ITPR1: variants seen among roughly 807,000 people sequenced by gnomAD.
The protein encoded by ITPR1 is inositol 1,4,5-trisphosphate receptor type 1, also known as inositol 1,4,5-trisphosphate-gated calcium channel ITPR1.
ITPR1 carries 96 observed loss-of-function variants against 318.4 expected under a neutral mutation model. That is an observed-to-expected ratio of 0.30 (90% CI 0.26 to 0.36). The LOEUF is 0.36. Ranked by LOEUF, ITPR1 falls within the 10% of genes least tolerant of loss-of-function variation. The pLI is 1.00. For synonymous variants in ITPR1, 1,312 were observed against 1,289.9 expected, an observed-to-expected ratio of 1.02 and a Z score of -0.37; for missense variants, 2,440 against 3,460.2, an observed-to-expected ratio of 0.71 and a Z score of 7.40.
At chr3:4,772,850 G>A (rs3792505) in intron 46 of ITPR1, among the ~76,000 whole-genome samples, 1 of 152,228 alleles carries the variant, frequency 6.6e-6, no homozygotes, top group African/African-American at 2.4e-5. Context: ...ATTCTGTCCA[G>A]ACACTCTGAA....
Position 4,675,121 on chromosome 3 carries a change from C to G in ITPR1, c.2652C>G (p.Asp884Glu). ...LIYFGFYNFS[D>E]LLRLTKILLA... Reference sequence around the variant, plus strand: ...ACTTTGGTTTCTACAACTTCTCTGACCTTCTACGATTAACTAAGATCCTTC... The same window carrying G: ...ACTTTGGTTTCTACAACTTCTCTGAGCTTCTACGATTAACTAAGATCCTTC... The change falls in exon 23 of 62, where the codon GAC becomes GAG. Residue 884 changes from aspartate (D) to glutamate (E), a missense_variant. Transcript: ENST00000649015. 6.2e-7 allele frequency: 1 copy of G among 1,606,392 alleles called. No individual in the cohort carries two copies. The highest frequency in any genetic ancestry group is 1.7e-5 in the Admixed American group (1 of 59,926).
intron 47 of ITPR1, 113 bp from the exon 48 acceptor site, chr3:4,777,151 G>A: frequency 1.6e-6 from 1 of 627,048 alleles, no homozygotes; most frequent in Non-Finnish European, 2.8e-6. Context: ...CTCCCCTAGA[G>A]ACATTACTGG....
chr3:4,588,508 C>G (rs2090113193), intron 4 of ITPR1, among the ~76,000 whole-genome samples: 1 of 152,002 alleles, frequency 6.6e-6, no homozygotes, highest in Non-Finnish European at 1.5e-5. Flanking sequence ...ATCTCCCTGA[C>G]TCTCTCTTCC....
intron 5 of ITPR1, among the ~76,000 whole-genome samples, chr3:4,635,589 C>T (rs1255854013): frequency 6.6e-6 from 1 of 152,152 alleles, no homozygotes; most frequent in African/African-American, 2.4e-5. Flanking sequence ...TTGTGATCTG[C>T]CCGCCTCGGC....
intron 4 of ITPR1, among the ~76,000 whole-genome samples, chr3:4,577,333 A>G (rs1035261166): frequency 1.3e-5 from 2 of 152,162 alleles, no homozygotes; most frequent in African/African-American, 4.8e-5. Context: ...TTAAACTTTA[A>G]TTTGCAAGGC....
intron 4 of ITPR1, among the ~76,000 whole-genome samples, chr3:4,542,924 T>G (rs2084605185): frequency 6.6e-6 from 1 of 152,194 alleles, no homozygotes; most frequent in South Asian, 2.1e-4. Context: ...TTCAAAATGT[T>G]TTCTAATATT....
intron 55 of ITPR1, among the ~76,000 whole-genome samples, chr3:4,810,139 C>T (rs1250433021): frequency 6.6e-6 from 1 of 152,150 alleles, no homozygotes; most frequent in African/African-American, 2.4e-5. Context: ...ATGGCTTGGC[C>T]GACATCTTGC....
chr3:4,725,661 T>C (rs1052138423), intron 41 of ITPR1, 80 bp downstream of exon 41: 3 of 1,282,620 alleles, frequency 2.3e-6, no homozygotes, highest in Non-Finnish European at 3.4e-6. Flanking sequence ...GGTGTCTGAA[T>C]TGTTGTAACA....
rs1458898742 is a variant in ITPR1 at position 4,779,618 on chromosome 3, A to G, written c.6360A>G (p.Ile2120Met). 6.2e-7 allele frequency: 1 copy of G among 1,611,892 alleles called. No individual in the cohort carries two copies. The highest frequency in any genetic ancestry group is 8.5e-7 in the Non-Finnish European group (1 of 1,178,468). The part of the protein sequence containing the change: ...SRHDSENAER[I>M]LYNMRPKELV... ...ACGACAGTGAAAACGCAGAGAGGATACTTTATAACATGAGGCCCAAGGAAC... is the reference window on the plus strand; with the variant it reads ...ACGACAGTGAAAACGCAGAGAGGATGCTTTATAACATGAGGCCCAAGGAAC... Residue 2120 changes from isoleucine (I) to methionine (M), a missense_variant, in exon 49 of 62, where the codon ATA becomes ATG. Ile to Met is a conservative substitution (Grantham distance 10, BLOSUM62 1). This residue lies in a region of ITPR1 where 49 missense variants were observed against 47.2 expected (regional missense o/e 1.04). Coordinates refer to ENST00000649015, the MANE Select transcript of ITPR1 (RefSeq NM_001378452.1). The surrounding 1 kb of genome is among the most constrained non-coding windows in gnomAD (Gnocchi z 4.0).
At chr3:4,804,863 G>A (rs1211523712) in intron 54 of ITPR1, among the ~76,000 whole-genome samples, 6 of 152,120 alleles carry the variant, frequency 3.9e-5, no homozygotes, top group South Asian at 2.1e-4. Flanking sequence ...CACTTACACC[G>A]ACCTACCAGA....
intron 4 of ITPR1, among the ~76,000 whole-genome samples, chr3:4,533,181 T>A (rs1266841846): frequency 6.6e-6 from 1 of 152,144 alleles, no homozygotes; most frequent in Non-Finnish European, 1.5e-5. Flanking sequence ...AAGAGAACAT[T>A]AGTGGAAAGA....
rs115092972 is a variant in ITPR1 at position 4,663,594 on chromosome 3, C to T, written c.1554+388C>T. Reference sequence around the variant, plus strand: ...CTCACACACTTGGCCTCCCCCACTACCGACATCCTACATCACAGTGAGACA... The same window carrying T: ...CTCACACACTTGGCCTCCCCCACTATCGACATCCTACATCACAGTGAGACA... On this transcript the variant is annotated intron_variant, in intron 16 of 61. Coordinates refer to ENST00000649015, the MANE Select transcript of ITPR1 (RefSeq NM_001378452.1). Among the ~76,000 whole-genome samples the T allele has an allele frequency of 9.6e-3, 1,462 of 152,290 alleles. 21 individuals are homozygous for T. Among genetic ancestry groups the T allele is most frequent in the African/African-American group, 0.033 (1,373 of 41,546 alleles).
chr3:4,697,238 A>C lies in ITPR1; in HGVS notation c.4373A>C (p.Lys1458Thr). Residue 1458 changes from lysine to threonine, a missense_variant, in exon 34 of 62, where the codon AAA (lysine) becomes ACA (threonine). By Grantham distance (78) the Lys-to-Thr change is moderately conservative. Around this residue, in one of 23 missense-constraint regions of ITPR1, gnomAD observed 73 missense variants for 59.5 expected, o/e 1.23. Coordinates refer to ENST00000649015, the MANE Select transcript of ITPR1 (RefSeq NM_001378452.1). ...ATTTATACCAGCAATCACATGTGGA[A>C]ATTGTTTGAGAATTTCCTTGTAGAC... ...KEIYTSNHMW[K>T]LFENFLVDIC... 1 of 1,573,354 alleles carries C rather than the reference A, an allele frequency of 6.4e-7. No homozygotes were observed. Among genetic ancestry groups the C allele is most frequent in the Non-Finnish European group, 8.6e-7 (1 of 1,158,120 alleles).
intron 33 of ITPR1, among the ~76,000 whole-genome samples, chr3:4,695,544 C>G (rs1231319485): frequency 1.3e-5 from 2 of 152,204 alleles, no homozygotes; most frequent in Non-Finnish European, 2.9e-5. Flanking sequence ...ATTCCCCTTT[C>G]CTGTCCTCAC....
At chr3:4,728,663 G>A (rs945715852) in intron 42 of ITPR1, among the ~76,000 whole-genome samples, 5 of 152,134 alleles carry the variant, frequency 3.3e-5, no homozygotes, top group African/African-American at 1.2e-4. Context: ...TCACCCTATT[G>A]TGCTATGAAA....
At chr3:4,760,383 C>G (rs2045351990) in intron 44 of ITPR1, among the ~76,000 whole-genome samples, 1 of 152,210 alleles carries the variant, frequency 6.6e-6, no homozygotes, top group African/African-American at 2.4e-5. Flanking sequence ...AGTTCCCCAG[C>G]TTTCTGGGAA....
chr3:4,796,434 T>C (rs1165855156), intron 53 of ITPR1, among the ~76,000 whole-genome samples: 1 of 151,858 alleles, frequency 6.6e-6, no homozygotes, highest in Non-Finnish European at 1.5e-5. Flanking sequence ...AGCAGAGGAG[T>C]GCGTGGCAGA....
At chr3:4,600,236 T>C (rs975518016) in intron 4 of ITPR1, among the ~76,000 whole-genome samples, 1 of 152,198 alleles carries the variant, frequency 6.6e-6, no homozygotes, top group Non-Finnish European at 1.5e-5. Context: ...CAAGGCAGAT[T>C]TTTGGACATG....
intron 60 of ITPR1, among the ~76,000 whole-genome samples, chr3:4,824,571 C>T (rs1377896688): frequency 1.3e-5 from 2 of 152,090 alleles, no homozygotes; most frequent in Non-Finnish European, 2.9e-5. Flanking sequence ...TTTGGACTGG[C>T]GCATCTTAGA....
Sources: gnomAD v4.1 joint callset for allele counts (sites outside exome capture counted in the v4.1 genomes callset) on GRCh38, gnomAD v4.1.1 for gene constraint, gnomAD v4.1.1 regional missense constraint, Gnocchi (gnomAD v3.1) non-coding constraint, MANE v1.5 for transcripts, NCBI Gene and HGNC (gene_info 2026-07-23, HGNC 2026-07-21) for gene names.